KDM5A: variants seen among roughly 807,000 people sequenced by gnomAD.
The protein encoded by KDM5A is lysine demethylase 5A.
A neutral mutation model predicts 193.5 loss-of-function variants in KDM5A; 42 were observed. The observed-to-expected ratio is 0.22, with a 90% CI of 0.17 to 0.28. KDM5A has a LOEUF of 0.28. Among genes scored for constraint, KDM5A ranks in the 10% least tolerant of loss-of-function variants. KDM5A has a pLI of 1.00. For missense variants in KDM5A, 1,692 were observed against 2,055.1 expected (o/e 0.82, Z 3.42); for synonymous variants, 796 against 718.1 (o/e 1.11, Z -1.73).
At chr12:305,786 C>T (rs1226929476) in intron 24 of KDM5A, among the ~76,000 whole-genome samples, 1 of 152,146 alleles carries the variant, frequency 6.6e-6, no homozygotes, top group Non-Finnish European at 1.5e-5. Context: ...CTTCTCTTCA[C>T]CACCAGTAAC....
chr12:335,397 T>C (rs1031701951), intron 10 of KDM5A, among the ~76,000 whole-genome samples: 1 of 152,248 alleles, frequency 6.6e-6, no homozygotes, highest in African/African-American at 2.4e-5. Flanking sequence ...AAGACATTAT[T>C]TGTCTTTTTC....
intron 13 of KDM5A, among the ~76,000 whole-genome samples, chr12:330,171 A>T (rs1379584673): frequency 1.3e-5 from 2 of 151,752 alleles, no homozygotes; most frequent in Admixed American, 1.3e-4. Context: ...ACTCTTTAAA[A>T]ATTTCTCAGA....
At chr12:308,334 G>A (rs764560887) in intron 22 of KDM5A, among the ~76,000 whole-genome samples, 2 of 152,126 alleles carry the variant, frequency 1.3e-5, no homozygotes, top group Non-Finnish European at 2.9e-5. Context: ...GTTTCAGAAC[G>A]TCCGTTTTCT....
intron 10 of KDM5A, among the ~76,000 whole-genome samples, chr12:336,043 C>CAAAAA (rs753624871): frequency 2.4e-4 from 10 of 42,006 alleles, no homozygotes; most frequent in Non-Finnish European, 3.6e-4. Context: ...TACTTCATCT[C>CAAAAA]AAAAAAAAAA....
intron 3 of KDM5A, among the ~76,000 whole-genome samples, chr12:376,173 C>A (rs1213782275): frequency 6.6e-6 from 1 of 152,220 alleles, no homozygotes; most frequent in Admixed American, 6.5e-5. Context: ...GCCCTGCCCC[C>A]AGAGGTGGAG....
At chr12:367,019 G>A (rs886869468) in intron 3 of KDM5A, among the ~76,000 whole-genome samples, 1 of 152,188 alleles carries the variant, frequency 6.6e-6, no homozygotes, top group African/African-American at 2.4e-5. Flanking sequence ...AGGAGCAACA[G>A]GTTATACCAC....
chr12:362,361 A>T (rs1043568539), intron 5 of KDM5A, among the ~76,000 whole-genome samples: 25 of 152,156 alleles, frequency 1.6e-4, no homozygotes, highest in African/African-American at 3.6e-4. Flanking sequence ...AAAATAAATT[A>T]GGGCATTTTT....
chr12:285,282 G>C lies in KDM5A; in HGVS notation c.*174C>G. Reference sequence around the variant, plus strand: ...CACCCTCTGCATAGATATGTTGATAGAGAATGTAACCCACAGAGTCCATGC... The same window carrying C: ...CACCCTCTGCATAGATATGTTGATACAGAATGTAACCCACAGAGTCCATGC... On this transcript the variant is annotated 3_prime_UTR_variant, in exon 28 of 28. Coordinates refer to ENST00000399788, the MANE Select transcript of KDM5A (RefSeq NM_001042603.3). 1.6e-6 allele frequency: 1 copy of C among 623,794 alleles called. No individual in the cohort carries two copies. The highest frequency in any genetic ancestry group is 2.9e-6 in the Non-Finnish European group (1 of 348,848). The allele number at this position is 623,794 out of a possible 1,614,324, so 38.6% of individuals were successfully genotyped here. A position where few individuals can be genotyped will look rare whatever the true frequency, so the allele number is the denominator to read the frequency against.
At chr12:367,784 C>G (rs1944375801) in intron 3 of KDM5A, among the ~76,000 whole-genome samples, 1 of 151,854 alleles carries the variant, frequency 6.6e-6, no homozygotes, top group South Asian at 2.1e-4. Context: ...ATCAGTTGAA[C>G]CCAGGAGATC....
intron 3 of KDM5A, among the ~76,000 whole-genome samples, chr12:383,753 CCTT>C (rs1565554661): frequency 6.6e-6 from 1 of 151,812 alleles, no homozygotes; most frequent in Non-Finnish European, 1.5e-5. Flanking sequence ...ATTTCATTGT[CCTT>C]TTTTTTTTTG....
Position 385,878 on chromosome 12 carries a change from A to G in KDM5A, c.243+19T>C, listed in dbSNP as rs749434736. 1 of 1,599,468 alleles carries G rather than the reference A, an allele frequency of 6.3e-7. No homozygotes were observed. The highest frequency in any genetic ancestry group is 1.1e-5 in the South Asian group (1 of 90,786). On this transcript the variant is annotated intron_variant, in intron 2 of 27. Coordinates refer to ENST00000399788, the MANE Select transcript of KDM5A (RefSeq NM_001042603.3). Reference sequence around the variant, plus strand: ...ATAAAGAATGAATCAGGAAGCAGAAATAGTGACAAAACACTTACCTCAAGT... The same window carrying G: ...ATAAAGAATGAATCAGGAAGCAGAAGTAGTGACAAAACACTTACCTCAAGT...
At chr12:383,947 G>C in intron 3 of KDM5A, 84 bp downstream of exon 3, 1 of 1,399,040 alleles carries the variant, frequency 7.1e-7, no homozygotes, top group South Asian at 1.2e-5. Flanking sequence ...TCCTCTATTG[G>C]AAGCAATGTT....
chr12:286,762 T>G (rs1279065754), intron 27 of KDM5A, among the ~76,000 whole-genome samples: 4 of 152,198 alleles, frequency 2.6e-5, no homozygotes, highest in Non-Finnish European at 5.9e-5. Flanking sequence ...TATAAAAAAC[T>G]GTCAAAACCA....
At chr12:322,260 ATAG>A (rs1943726553) in intron 17 of KDM5A, 154 bp downstream of exon 17, 1 of 660,494 alleles carries the variant, frequency 1.5e-6, no homozygotes. Context: ...AGAAGGGAGA[ATAG>A]TAGGAGATAA....
At chr12:308,794 A>C (rs1357425124) in intron 22 of KDM5A, among the ~76,000 whole-genome samples, 1 of 152,352 alleles carries the variant, frequency 6.6e-6, no homozygotes, top group East Asian at 1.9e-4. Context: ...TTGTAGGCAG[A>C]AAGAGCTATA....
chr12:320,670 GTAT>G (rs1228635060), intron 18 of KDM5A, among the ~76,000 whole-genome samples: 1 of 151,956 alleles, frequency 6.6e-6, no homozygotes, highest in Non-Finnish European at 1.5e-5. Flanking sequence ...AAAAGCTCAC[GTAT>G]TATTAACACT....
intron 10 of KDM5A, among the ~76,000 whole-genome samples, chr12:340,514 T>C (rs1316345314): frequency 2.0e-5 from 3 of 151,886 alleles, no homozygotes; most frequent in African/African-American, 2.4e-5. Flanking sequence ...GCCAACATGG[T>C]GAAACCCTGT....
intron 5 of KDM5A, among the ~76,000 whole-genome samples, chr12:360,399 A>G (rs10848838): frequency 0.7 from 106,553 of 152,082 alleles, 37,558 homozygotes; most frequent in Middle Eastern, 0.78. Context: ...AGGGAAGAGA[A>G]AAGAGATAAC....
At chr12:350,919 A>G (rs1944149568) in intron 9 of KDM5A, 140 bp from the exon 10 acceptor site, 1 of 755,220 alleles carries the variant, frequency 1.3e-6, no homozygotes, top group East Asian at 2.7e-5. Flanking sequence ...AAAGACCGAG[A>G]TCCTAGCTTT....
Sources: gnomAD v4.1 joint callset for allele counts (sites outside exome capture counted in the v4.1 genomes callset) on GRCh38, gnomAD v4.1.1 for gene constraint, MANE v1.5 for transcripts, NCBI Gene and HGNC (gene_info 2026-07-23, HGNC 2026-07-21) for gene names.